SEMA3C: variants seen among roughly 807,000 people sequenced by gnomAD.
SEMA3C encodes the protein semaphorin 3C.
In SEMA3C, 47 loss-of-function variants were observed where a neutral mutation model predicts 89.4. The observed-to-expected ratio is 0.53, with a 90% CI of 0.42 to 0.67. SEMA3C has a LOEUF of 0.67. SEMA3C is among the 30% of genes least tolerant of loss of function. SEMA3C has a pLI of 0.00. For synonymous variants in SEMA3C, 310 were observed against 320.2 expected (o/e 0.97, Z 0.34); for missense variants, 839 against 929.1 (o/e 0.90, Z 1.26).
chr7:80,901,223 C>G (rs1324027383), intron 2 of SEMA3C, among the ~76,000 whole-genome samples: 1 of 152,134 alleles, frequency 6.6e-6, no homozygotes, highest in Non-Finnish European at 1.5e-5. Flanking sequence ...CAACAATATT[C>G]TAAAACAAAA....
chr7:80,866,537 G>T (rs765560719), intron 2 of SEMA3C, among the ~76,000 whole-genome samples: 1 of 152,004 alleles, frequency 6.6e-6, no homozygotes. Flanking sequence ...CTTGGTTAAG[G>T]CATGATTTCT....
Position 80,901,229 on chromosome 7 carries a change from CA to C in SEMA3C, c.103+15449del, listed in dbSNP as rs1791872834. Among the ~76,000 whole-genome samples, 5 of 152,066 alleles carry C rather than the reference CA, an allele frequency of 3.3e-5. No homozygotes were observed. In the South Asian group the frequency reaches 1.0e-3, roughly 32 times the overall value. On this transcript the variant is annotated intron_variant, in intron 2 of 17. Coordinates refer to ENST00000265361, the MANE Select transcript of SEMA3C (RefSeq NM_006379.5). ...TGGTTTTATCAACAATATTCTAAAA[CA>C]AAAAATTAAGTAAATATCCTGTGAA...
chr7:80,804,151 G>A lies in SEMA3C; in HGVS notation c.756C>T (p.Asn252=). 1 of 1,612,776 alleles carries A rather than the reference G, an allele frequency of 6.2e-7. No individual in the cohort carries two copies. The highest frequency in any genetic ancestry group is 8.5e-7 in the Non-Finnish European group (1 of 1,179,152). ...TGGAATGAATCTGTTTCGTGCTCCT[G>A]TTATTGTCAGTCAGTTTTTCTTTGA... ...FFFKEKLTDN[N]RSTKQIHSMI... The change falls in exon 8 of 18, where the codon AAC becomes AAT. Residue 252 remains asparagine (N), a synonymous_variant. Transcript: ENST00000265361.
At chr7:80,837,070 T>C (rs981097117) in intron 2 of SEMA3C, among the ~76,000 whole-genome samples, 6 of 152,162 alleles carry the variant, frequency 3.9e-5, no homozygotes. Flanking sequence ...AACGCACTGT[T>C]TGGGGCTGAA....
At chr7:80,747,478 T>C (rs990171696) in intron 17 of SEMA3C, among the ~76,000 whole-genome samples, 4 of 152,154 alleles carry the variant, frequency 2.6e-5, no homozygotes, top group East Asian at 1.9e-4. Flanking sequence ...TATATACATA[T>C]AGGCTTTTTC....
chr7:80,754,672 A>T (rs886880393), intron 15 of SEMA3C, among the ~76,000 whole-genome samples: 3 of 152,192 alleles, frequency 2.0e-5, no homozygotes, highest in African/African-American at 7.2e-5. Context: ...CTAGTCAAAG[A>T]TAAATACGGG....
intron 12 of SEMA3C, among the ~76,000 whole-genome samples, chr7:80,778,343 T>C (rs749828999): frequency 2.1e-4 from 32 of 152,206 alleles, no homozygotes; most frequent in Admixed American, 7.2e-4. Context: ...TTTTTACTGA[T>C]CCTACAAAGG....
rs186222884 is a variant in SEMA3C, at chr7:80,754,904, A to G, written c.1643+3427T>C. On this transcript the variant is annotated intron_variant, in intron 15 of 17. Transcript: ENST00000265361. Reference sequence around the variant, plus strand: ...ATGATTCTCCTGCCTCAGCCTCCCAAGTATCTGGGATTACAGATGCCTGCC... The same window carrying G: ...ATGATTCTCCTGCCTCAGCCTCCCAGGTATCTGGGATTACAGATGCCTGCC... 8.7e-4 allele frequency among the ~76,000 whole-genome samples: 130 copies of G among 149,616 alleles called. 1 individual carries two copies. The highest frequency in any genetic ancestry group is 3.1e-3 in the African/African-American group (125 of 40,702).
intron 11 of SEMA3C, among the ~76,000 whole-genome samples, chr7:80,792,010 C>G (rs781232947): frequency 6.6e-6 from 1 of 152,088 alleles, no homozygotes; most frequent in Admixed American, 6.5e-5. Context: ...TAGAAAGGTA[C>G]AAGGAGCAAT....
At chr7:80,848,297 G>T (rs1286483616) in intron 2 of SEMA3C, among the ~76,000 whole-genome samples, 2 of 152,160 alleles carry the variant, frequency 1.3e-5, no homozygotes, top group South Asian at 4.1e-4. Context: ...CAACTGAACT[G>T]CAAGCTCTAA....
intron 2 of SEMA3C, among the ~76,000 whole-genome samples, chr7:80,863,642 T>C (rs1310845996): frequency 6.7e-6 from 1 of 149,712 alleles, no homozygotes. Flanking sequence ...ATAAAGAAAC[T>C]GTGGTATATA....
chr7:80,915,251 G>A (rs1274238170), intron 2 of SEMA3C, among the ~76,000 whole-genome samples: 1 of 152,168 alleles, frequency 6.6e-6, no homozygotes, highest in African/African-American at 2.4e-5. Context: ...ATACCTCAAA[G>A]GGTCTGTTTT....
At chr7:80,918,543 G>T (rs1792332527) in intron 1 of SEMA3C, 1 of 152,140 alleles carries the variant, frequency 6.6e-6, no homozygotes, top group African/African-American at 2.4e-5. Flanking sequence ...TCTGCTGATC[G>T]CAAACTAACA....
Position 80,859,992 on chromosome 7 carries a change from A to G in SEMA3C, c.104-31247T>C, listed in dbSNP as rs990162730. Among the ~76,000 whole-genome samples, 8 of 152,224 alleles carry G rather than the reference A, an allele frequency of 5.3e-5. No homozygotes were observed. The East Asian group carries it at 1.6e-3, about 30-fold the overall frequency. On this transcript the variant is annotated intron_variant, in intron 2 of 17. Transcript: ENST00000265361. ...ATAAACTCATTTAAACTTGGGAAAC[A>G]ATATTCTAATTAATAATAGGCATAA...
intron 12 of SEMA3C, among the ~76,000 whole-genome samples, chr7:80,769,013 T>C (rs747464278): frequency 1.3e-5 from 2 of 152,236 alleles, no homozygotes; most frequent in African/African-American, 2.4e-5. Flanking sequence ...TACCATTCTA[T>C]GTGACAGCAT....
At chr7:80,848,355 C>A (rs940550803) in intron 2 of SEMA3C, among the ~76,000 whole-genome samples, 24 of 152,088 alleles carry the variant, frequency 1.6e-4, no homozygotes, top group African/African-American at 5.8e-4. Flanking sequence ...TAGTCCTCTA[C>A]CTACAAAAAT....
chr7:80,744,780 T>C lies in SEMA3C; in HGVS notation c.*114A>G, dbSNP rs930342418. The C allele has an allele frequency of 8.5e-7, 1 of 1,182,338 alleles. No individual in the cohort carries two copies. Among genetic ancestry groups the C allele is most frequent in the African/African-American group, 1.5e-5 (1 of 65,004 alleles). The allele number at this position is 1,182,338 out of a possible 1,614,324, so 73.2% of individuals were successfully genotyped here. ...GTTCGTGTAAAACTCACTTCAGGAG[T>C]AATCACCTTTTTCAGTAATTCCCCT... On this transcript the variant is annotated 3_prime_UTR_variant, in exon 18 of 18. Coordinates refer to ENST00000265361, the MANE Select transcript of SEMA3C (RefSeq NM_006379.5).
In SEMA3C at chr7:80,798,734, G is replaced by A. The variant is rs574825657; in HGVS notation, c.987-498C>T. On this transcript the variant is annotated intron_variant, in intron 10 of 17. Transcript: ENST00000265361. The stretch of plus-strand genomic sequence containing the variant: ...TAGTTGGAGAAGTCTATGTTGTCAC[G>A]GTTTAGGTACTTCCCCTGTTGGTCA... 2.6e-5 allele frequency among the ~76,000 whole-genome samples: 4 copies of A among 152,200 alleles called. No individual in the cohort carries two copies. In the East Asian group the frequency reaches 5.8e-4, roughly 22 times the overall value.
intron 2 of SEMA3C, among the ~76,000 whole-genome samples, chr7:80,853,069 A>G (rs1178586911): frequency 6.6e-6 from 1 of 152,128 alleles, no homozygotes; most frequent in Non-Finnish European, 1.5e-5. Context: ...CTACAATAAG[A>G]TATTATCTCA....
Sources: allele counts gnomAD v4.1 joint callset (sites outside exome capture counted in the v4.1 genomes callset), GRCh38; gene constraint gnomAD v4.1.1; transcripts MANE v1.5; gene names NCBI Gene and HGNC (gene_info 2026-07-23, HGNC 2026-07-21).